The following MICOS10 variants were observed in gnomAD, a reference collection of about 807,000 sequenced individuals.
MICOS10 encodes MICOS complex subunit MIC10.
A neutral mutation model predicts 13.4 loss-of-function variants in MICOS10; 5 were observed. The ratio of observed to expected loss-of-function variants is 0.37; its 90% CI spans 0.20 to 0.78. The LOEUF is 0.78. Among genes scored for constraint, MICOS10 ranks in the 30% least tolerant of loss-of-function variants. The pLI, the probability that MICOS10 is intolerant of heterozygous loss-of-function variation, is 0.47. For missense variants in MICOS10, 101 were observed against 94.6 expected, an observed-to-expected ratio of 1.07 and a Z score of -0.28; for synonymous variants, 35 against 33.6, an observed-to-expected ratio of 1.04 and a Z score of -0.15.
In MICOS10 at chr1:19,628,070, T is replaced by C. The variant is rs1229614607; in HGVS notation, c.*1669T>C. 2 of 147,334 alleles carry C rather than the reference T, an allele frequency of 1.4e-5. No homozygotes were observed. The highest frequency in any genetic ancestry group is 2.9e-5 in the Non-Finnish European group (2 of 68,034). 9.1% of individuals were successfully genotyped at this position (147,334 alleles called of 1,614,324 possible). The stretch of plus-strand genomic sequence containing the variant: ...CCTGTTTCATCCCTTCCACTTGTTT[T>C]CTTACTATTTATTTATTTATTTCTG... On this transcript the variant is annotated 3_prime_UTR_variant, in exon 4 of 4. Transcript: ENST00000322753.
At chr1:19,607,538 G>T (rs949322895) in intron 1 of MICOS10, among the ~76,000 whole-genome samples, 1 of 152,156 alleles carries the variant, frequency 6.6e-6, no homozygotes, top group African/African-American at 2.4e-5. Flanking sequence ...TGCTAGATTG[G>T]ATCCTGTTTA....
chr1:19,623,824 T>C (rs1385187738), intron 3 of MICOS10: 1 of 342,688 alleles, frequency 2.9e-6, no homozygotes, highest in East Asian at 4.7e-5. Flanking sequence ...CCGATTGGAA[T>C]TAAGGAGCCT....
chr1:19,626,349 G>T (rs199946418), intron 3 of MICOS10, 38 bp from the exon 4 acceptor site: 3 of 1,613,706 alleles, frequency 1.9e-6, no homozygotes, highest in South Asian at 1.1e-5. Flanking sequence ...TCAGAATGCC[G>T]TCTGCACAGT....
At chr1:19,625,047 A>T (rs1050743678) in intron 3 of MICOS10, among the ~76,000 whole-genome samples, 2 of 152,192 alleles carry the variant, frequency 1.3e-5, no homozygotes, top group African/African-American at 2.4e-5. Flanking sequence ...ACCTAGGTGC[A>T]AGCCTGTCAC....
At chr1:19,625,323 C>T (rs1271546069) in intron 3 of MICOS10, 2 of 1,257,292 alleles carry the variant, frequency 1.6e-6, no homozygotes, top group Non-Finnish European at 2.1e-6. Context: ...TAGTCAGGAG[C>T]TGTGGCCACA....
chr1:19,608,993 G>GTTTTTT (rs2094847236), intron 1 of MICOS10, among the ~76,000 whole-genome samples: 1 of 94,570 alleles, frequency 1.1e-5, no homozygotes, highest in South Asian at 3.6e-4. Context: ...ACTTTTCCCA[G>GTTTTTT]CTTTTTTTTT....
intron 1 of MICOS10, among the ~76,000 whole-genome samples, chr1:19,599,116 T>C (rs2094804252): frequency 6.6e-6 from 1 of 152,114 alleles, no homozygotes; most frequent in Non-Finnish European, 1.5e-5. Context: ...AGTGTAGTGG[T>C]GGGATCTCGG....
At chr1:19,612,539 G>A (rs553689915) in intron 1 of MICOS10, among the ~76,000 whole-genome samples, 1 of 151,884 alleles carries the variant, frequency 6.6e-6, no homozygotes, top group Non-Finnish European at 1.5e-5. Flanking sequence ...CCTGGCCAAC[G>A]TGGTGGAACC....
At chr1:19,619,363 G>A (rs7531524) in intron 1 of MICOS10, among the ~76,000 whole-genome samples, 10,613 of 152,252 alleles carry the variant, frequency 0.07, 1,218 homozygotes, top group African/African-American at 0.24. Context: ...TTTATGATCT[G>A]TGGCATGGTG....
At chr1:19,613,953 T>A (rs551264665) in intron 1 of MICOS10, among the ~76,000 whole-genome samples, 1 of 152,286 alleles carries the variant, frequency 6.6e-6, no homozygotes, top group African/African-American at 2.4e-5. Context: ...AATAAGTTTA[T>A]TGTGAAGATT....
chr1:19,622,176 AT>A, intron 2 of MICOS10, 29 bp downstream of exon 2: 1 of 1,570,088 alleles, frequency 6.4e-7, no homozygotes, highest in Non-Finnish European at 8.8e-7. Flanking sequence ...TTTCAACATA[AT>A]GTCATAGTGT....
At chr1:19,608,459 C>G (rs758425710) in intron 1 of MICOS10, 3 of 1,275,750 alleles carry the variant, frequency 2.4e-6, no homozygotes, top group South Asian at 2.4e-5. Context: ...CCAGTCGGCC[C>G]TCAGAGCCCT....
intron 1 of MICOS10, among the ~76,000 whole-genome samples, chr1:19,603,390 C>A (rs958502648): frequency 2.6e-5 from 4 of 152,204 alleles, no homozygotes; most frequent in Non-Finnish European, 5.9e-5. Flanking sequence ...AATTCTGTTA[C>A]AACTTACTCT....
chr1:19,601,060 G>A (rs1462726199), intron 1 of MICOS10: 8 of 1,235,486 alleles, frequency 6.5e-6, no homozygotes, highest in East Asian at 5.6e-5. Context: ...TTTGCTGTAC[G>A]ATGACTATTA....
At chr1:19,619,821 G>T (rs1354544084) in intron 1 of MICOS10, among the ~76,000 whole-genome samples, 1 of 152,154 alleles carries the variant, frequency 6.6e-6, no homozygotes, top group African/African-American at 2.4e-5. Flanking sequence ...TCTCCAAAAG[G>T]CATGGTTTCA....
intron 1 of MICOS10, among the ~76,000 whole-genome samples, chr1:19,604,875 G>A (rs996618793): frequency 6.6e-6 from 1 of 152,130 alleles, no homozygotes; most frequent in Admixed American, 6.5e-5. Context: ...GACCAGGTGG[G>A]GGAGTGTGTT....
At chr1:19,607,176 T>C (rs968971578) in intron 1 of MICOS10, among the ~76,000 whole-genome samples, 5 of 152,270 alleles carry the variant, frequency 3.3e-5, no homozygotes, top group African/African-American at 1.2e-4. Flanking sequence ...ACATTTTGTT[T>C]GTTTTATGTA....
At chr1:19,600,966 A>G in intron 1 of MICOS10, 2 of 1,289,402 alleles carry the variant, frequency 1.6e-6, no homozygotes, top group South Asian at 2.5e-5. Context: ...ATGCACAGCA[A>G]CTTCTGTGAG....
At chr1:19,599,782 G>T (rs960682703) in intron 1 of MICOS10, among the ~76,000 whole-genome samples, 5 of 152,200 alleles carry the variant, frequency 3.3e-5, no homozygotes, top group African/African-American at 1.2e-4. Flanking sequence ...TTTCAGTGCA[G>T]AGAGGCTGGT....
Sources: allele counts gnomAD v4.1 joint callset (sites outside exome capture counted in the v4.1 genomes callset), GRCh38; gene constraint gnomAD v4.1.1; transcripts MANE v1.5; gene names NCBI Gene and HGNC (gene_info 2026-07-23, HGNC 2026-07-21).